SUGCT: variants seen among roughly 807,000 people sequenced by gnomAD.
The protein encoded by SUGCT is succinyl-CoA:glutarate CoA-transferase.
In SUGCT, 41 loss-of-function variants were observed where a neutral mutation model predicts 55.0. That is an observed-to-expected ratio of 0.74 (90% CI 0.58 to 0.97). SUGCT has a LOEUF of 0.97. SUGCT is among the 50% of genes least tolerant of loss of function. The probability of loss-of-function intolerance (pLI) is 0.00; values close to 1 mark genes in which losing one functional copy is unlikely to be tolerated. For synonymous variants in SUGCT, 187 were observed against 200.4 expected, an observed-to-expected ratio of 0.93 and a Z score of 0.56; for missense variants, 568 against 547.8, an observed-to-expected ratio of 1.04 and a Z score of -0.37.
chr7:40,333,656 A>ATATAT (rs1796458001), intron 9 of SUGCT, among the ~76,000 whole-genome samples: 2 of 57,872 alleles, frequency 3.5e-5, no homozygotes, highest in Non-Finnish European at 6.3e-5. Flanking sequence ...AAAAAAAAAA[A>ATATAT]AAAAAAAAAA....
chr7:40,452,920 A>G (rs1562788526), intron 10 of SUGCT, among the ~76,000 whole-genome samples: 1 of 152,124 alleles, frequency 6.6e-6, no homozygotes, highest in Non-Finnish European at 1.5e-5. Flanking sequence ...ATAGTAAGAG[A>G]TTTAGGGGAG....
the SUGCT span, among the ~76,000 whole-genome samples, chr7:40,961,729 G>A: frequency 6.6e-6 from 1 of 152,078 alleles, no homozygotes; most frequent in Non-Finnish European, 1.5e-5. Flanking sequence ...TGTGTCCAGA[G>A]TTTCTTCCTT....
chr7:40,454,876 C>T (rs1267116737), intron 10 of SUGCT, among the ~76,000 whole-genome samples: 1 of 152,030 alleles, frequency 6.6e-6, no homozygotes, highest in African/African-American at 2.4e-5. Flanking sequence ...TTTTCATTTA[C>T]AGAAGGTAAA....
At chr7:40,256,829 C>T (rs1188875382) in intron 7 of SUGCT, among the ~76,000 whole-genome samples, 1 of 152,132 alleles carries the variant, frequency 6.6e-6, no homozygotes, top group Non-Finnish European at 1.5e-5. Context: ...TTGCAACCTC[C>T]ACCTCCCAGG....
intron 3 of SUGCT, among the ~76,000 whole-genome samples, chr7:40,183,700 C>T (rs938161506): frequency 9.2e-5 from 14 of 152,138 alleles, no homozygotes; most frequent in Admixed American, 1.3e-4. Context: ...AAGCGGGAAA[C>T]GCCTAAGCTT....
intron 8 of SUGCT, among the ~76,000 whole-genome samples, chr7:40,291,990 G>C (rs1364956908): frequency 6.6e-6 from 1 of 152,182 alleles, no homozygotes; most frequent in Non-Finnish European, 1.5e-5. Flanking sequence ...AGTGATTTCA[G>C]ACTTCTGACC....
intron 8 of SUGCT, among the ~76,000 whole-genome samples, chr7:40,311,812 G>T (rs1172349005): frequency 6.6e-6 from 1 of 152,114 alleles, no homozygotes; most frequent in Non-Finnish European, 1.5e-5. Flanking sequence ...AGTAGTTGCT[G>T]AATAATTAAA....
chr7:40,207,594 G>T (rs971003438), intron 6 of SUGCT, among the ~76,000 whole-genome samples: 1 of 152,078 alleles, frequency 6.6e-6, no homozygotes, highest in Non-Finnish European at 1.5e-5. Flanking sequence ...AGGTGGGTGG[G>T]TCACTCGATG....
the SUGCT span, among the ~76,000 whole-genome samples, chr7:41,025,606 C>T: frequency 1.3e-5 from 2 of 152,056 alleles, no homozygotes; most frequent in African/African-American, 4.8e-5. Flanking sequence ...CAGCCTGCCT[C>T]GGCATCCCAA....
chr7:40,477,990 T>C (rs1376621116), intron 11 of SUGCT, among the ~76,000 whole-genome samples: 1 of 151,836 alleles, frequency 6.6e-6, no homozygotes, highest in Non-Finnish European at 1.5e-5. Context: ...TTGTTTGGGC[T>C]TTTTTTTCCC....
intron 12 of SUGCT, among the ~76,000 whole-genome samples, chr7:40,591,629 A>T (rs1797725379): frequency 6.6e-6 from 1 of 152,198 alleles, no homozygotes; most frequent in South Asian, 2.1e-4. Flanking sequence ...GGAAGAGTCA[A>T]TCAATGCAGT....
At chr7:40,775,373 G>A (rs1352394749) in intron 13 of SUGCT, among the ~76,000 whole-genome samples, 2 of 152,182 alleles carry the variant, frequency 1.3e-5, no homozygotes, top group Non-Finnish European at 2.9e-5. Context: ...AGGACATAGA[G>A]TCCCAGTTTC....
At chr7:40,832,567 T>TTG (rs1182782352) in intron 13 of SUGCT, among the ~76,000 whole-genome samples, 8 of 151,460 alleles carry the variant, frequency 5.3e-5, no homozygotes, top group Admixed American at 2.0e-4. Context: ...TTTTTGTTTT[T>TTG]TTTTTTTCCC....
chr7:40,164,173 G>A (rs896956310), intron 1 of SUGCT, among the ~76,000 whole-genome samples: 1 of 151,310 alleles, frequency 6.6e-6, no homozygotes, highest in Non-Finnish European at 1.5e-5. Context: ...ATGCAGACTG[G>A]AGTGCAGTGG....
chr7:40,824,834 T>C (rs1333322246), intron 13 of SUGCT, among the ~76,000 whole-genome samples: 1 of 152,220 alleles, frequency 6.6e-6, no homozygotes, highest in Non-Finnish European at 1.5e-5. Flanking sequence ...TCCTGATAAC[T>C]GGCATTAGTC....
chr7:40,704,713 C>T (rs1192196204), intron 12 of SUGCT, among the ~76,000 whole-genome samples: 2 of 152,184 alleles, frequency 1.3e-5, no homozygotes, highest in South Asian at 2.1e-4. Flanking sequence ...AGAATAACAA[C>T]GATGACAACA....
intron 13 of SUGCT, among the ~76,000 whole-genome samples, chr7:40,854,264 A>G (rs1260455426): frequency 6.6e-6 from 1 of 151,994 alleles, no homozygotes; most frequent in Non-Finnish European, 1.5e-5. Context: ...TTGTCTTCTT[A>G]GACTTTCCTT....
chr7:40,695,413 G>T (rs963967658), intron 12 of SUGCT, among the ~76,000 whole-genome samples: 18 of 152,022 alleles, frequency 1.2e-4, no homozygotes, highest in African/African-American at 4.3e-4. Context: ...GCCCAGGCTG[G>T]TCTCGAGCTC....
chr7:40,689,872 A>G (rs969991734), intron 12 of SUGCT, among the ~76,000 whole-genome samples: 2 of 152,148 alleles, frequency 1.3e-5, no homozygotes, highest in Non-Finnish European at 2.9e-5. Flanking sequence ...CCTAATTCCT[A>G]TGACTTACCC....
Sources: allele counts gnomAD v4.1 joint callset (sites outside exome capture counted in the v4.1 genomes callset), GRCh38; gene constraint gnomAD v4.1.1; transcripts MANE v1.5; gene names NCBI Gene and HGNC (gene_info 2026-07-23, HGNC 2026-07-21).